ARHGAP42: variants seen among roughly 807,000 people sequenced by gnomAD.
ARHGAP42 encodes the protein rho GTPase-activating protein 42.
In ARHGAP42, 63 loss-of-function variants were observed where a neutral mutation model predicts 125.0. That is an observed-to-expected ratio of 0.50 (90% CI 0.41 to 0.62). The LOEUF (loss-of-function observed/expected upper bound fraction) is 0.62. Ranked by LOEUF, ARHGAP42 falls within the 20% of genes least tolerant of loss-of-function variation. ARHGAP42 has a pLI of 0.00. For synonymous variants in ARHGAP42, 339 were observed against 351.0 expected (o/e 0.97, Z 0.38); for missense variants, 766 against 1,024.2 (o/e 0.75, Z 3.44).
chr11:100,913,586 C>T (rs1159078931), intron 5 of ARHGAP42, 33 bp downstream of exon 5: 1 of 1,152,790 alleles, frequency 8.7e-7, no homozygotes, highest in East Asian at 6.0e-5. Context: ...ATGGAAAAGG[C>T]ATTAAGTCAT....
intron 2 of ARHGAP42, among the ~76,000 whole-genome samples, chr11:100,791,873 A>C (rs2135027193): frequency 6.6e-6 from 1 of 152,336 alleles, no homozygotes; most frequent in Non-Finnish European, 1.5e-5. Context: ...TAGTGTTCAT[A>C]TGGGAAACAG....
intron 3 of ARHGAP42, among the ~76,000 whole-genome samples, chr11:100,812,167 A>C (rs1189752792): frequency 6.6e-6 from 1 of 152,190 alleles, no homozygotes; most frequent in Non-Finnish European, 1.5e-5. Context: ...AGGTTCAGCC[A>C]GGTTCTGCTT....
chr11:100,846,887 G>A (rs1281817044), intron 3 of ARHGAP42, among the ~76,000 whole-genome samples: 1 of 152,104 alleles, frequency 6.6e-6, no homozygotes, highest in Admixed American at 6.6e-5. Context: ...AGGTCCAGGG[G>A]GAGCTAGAAT....
intron 3 of ARHGAP42, among the ~76,000 whole-genome samples, chr11:100,848,708 G>C (rs1297118370): frequency 6.6e-6 from 1 of 151,956 alleles, no homozygotes; most frequent in African/African-American, 2.4e-5. Flanking sequence ...GTTTTACCAT[G>C]ATGGCCAGGC....
chr11:100,761,417 T>C (rs1481711496), intron 1 of ARHGAP42, among the ~76,000 whole-genome samples: 2 of 152,178 alleles, frequency 1.3e-5, no homozygotes, highest in African/African-American at 4.8e-5. Context: ...TCTTTTCAAG[T>C]TTTTTCCCCA....
intron 2 of ARHGAP42, among the ~76,000 whole-genome samples, chr11:100,779,452 A>AG (rs1474680956): frequency 5.1e-5 from 4 of 79,068 alleles, no homozygotes; most frequent in East Asian, 7.9e-4. Context: ...TCTCAAAAAA[A>AG]AAAAAAAAAA....
chr11:100,723,515 T>G (rs1490620566), intron 1 of ARHGAP42, among the ~76,000 whole-genome samples: 2 of 152,164 alleles, frequency 1.3e-5, no homozygotes, highest in Non-Finnish European at 2.9e-5. Flanking sequence ...ACCTAAGTAT[T>G]TCTTTTTTTT....
At chr11:100,896,612 T>G (rs1341892004) in intron 4 of ARHGAP42, among the ~76,000 whole-genome samples, 2 of 152,362 alleles carry the variant, frequency 1.3e-5, no homozygotes, top group East Asian at 3.9e-4. Context: ...TTTTTTCATG[T>G]GTCTGTTGGC....
intron 4 of ARHGAP42, among the ~76,000 whole-genome samples, chr11:100,909,696 T>C (rs1159983370): frequency 6.6e-6 from 1 of 152,158 alleles, no homozygotes; most frequent in Non-Finnish European, 1.5e-5. Flanking sequence ...TGAGTTAATT[T>C]TTGTATATGG....
chr11:100,828,636 G>C (rs1162793746), intron 3 of ARHGAP42, among the ~76,000 whole-genome samples: 1 of 152,042 alleles, frequency 6.6e-6, no homozygotes, highest in East Asian at 1.9e-4. Context: ...TGACTTTAAG[G>C]GGGAAAGGGC....
Position 100,872,023 on chromosome 11 carries a change from G to A in ARHGAP42, c.384+12398G>A, listed in dbSNP as rs1371223894. ...CTCCCCAAGTGCTGGGATAACAGGCGTGAGCCACTGCACCCAGCCTGGTTC... is the reference window on the plus strand; with the variant it reads ...CTCCCCAAGTGCTGGGATAACAGGCATGAGCCACTGCACCCAGCCTGGTTC... On this transcript the variant is annotated intron_variant, in intron 4 of 23. Transcript: ENST00000298815. Among the ~76,000 whole-genome samples, 7 of 152,052 alleles carry A rather than the reference G, an allele frequency of 4.6e-5. 1 individual carries two copies. The highest frequency in any genetic ancestry group is 2.0e-4 in the Admixed American group (3 of 15,258).
In ARHGAP42 at chr11:100,980,559, C is replaced by CTTCTTTT. The variant is rs1555037006; in HGVS notation, c.2456+1512_2456+1513insCTTTTTT. Among the ~76,000 whole-genome samples, 278 of 51,950 alleles carry CTTCTTTT rather than the reference C, an allele frequency of 5.4e-3. 30 individuals are homozygous for CTTCTTTT. The highest frequency in any genetic ancestry group is 0.019 in the Middle Eastern group (1 of 52). 34.1% of individuals were successfully genotyped at this position (51,950 alleles called of 152,430 possible). ...TCAAATCATACTTCTTTTTCTTCTT[C>CTTCTTTT]TTTTTTTTTTTTTTTTTTTTTTTTT... On this transcript the variant is annotated intron_variant, in intron 22 of 23. Coordinates refer to ENST00000298815, the MANE Select transcript of ARHGAP42 (RefSeq NM_152432.4).
At chr11:100,982,260 A>G (rs1369084671) in intron 22 of ARHGAP42, among the ~76,000 whole-genome samples, 1 of 152,182 alleles carries the variant, frequency 6.6e-6, no homozygotes, top group Non-Finnish European at 1.5e-5. Context: ...CTAAGACATC[A>G]TTGGAGATCT....
At position 100,739,433 on chromosome 11, in the gene ARHGAP42, G is replaced by T. The variant is rs149485449; in HGVS notation, c.155-30910G>T. ...ACTTCAGATTGCAATTTGTTCTAAA[G>T]AGGATAAAGTAGATATACCATGCTT... On this transcript the variant is annotated intron_variant, in intron 1 of 23. Coordinates refer to ENST00000298815, the MANE Select transcript of ARHGAP42 (RefSeq NM_152432.4). Among the ~76,000 whole-genome samples the T allele has an allele frequency of 2.3e-3, 349 of 152,264 alleles. 1 individual carries two copies. Among genetic ancestry groups the T allele is most frequent in the African/African-American group, 7.8e-3 (326 of 41,550 alleles).
intron 3 of ARHGAP42, among the ~76,000 whole-genome samples, chr11:100,839,229 C>T (rs971715039): frequency 1.3e-5 from 2 of 152,170 alleles, no homozygotes; most frequent in Non-Finnish European, 1.5e-5. Flanking sequence ...ATAGCAGTAT[C>T]TGCAAATCCT....
At chr11:100,861,373 C>T (rs1865441285) in intron 4 of ARHGAP42, among the ~76,000 whole-genome samples, 1 of 152,144 alleles carries the variant, frequency 6.6e-6, no homozygotes, top group Admixed American at 6.5e-5. Context: ...GTATTTTACT[C>T]CCTAGCCTAA....
At chr11:100,889,190 C>T (rs1866161986) in intron 4 of ARHGAP42, among the ~76,000 whole-genome samples, 1 of 152,120 alleles carries the variant, frequency 6.6e-6, no homozygotes, top group Non-Finnish European at 1.5e-5. Context: ...GCTCTTACAA[C>T]AGAAATAAAT....
chr11:100,894,573 A>C (rs1866296446), intron 4 of ARHGAP42, among the ~76,000 whole-genome samples: 1 of 152,230 alleles, frequency 6.6e-6, no homozygotes, highest in Non-Finnish European at 1.5e-5. Context: ...AAGTGGCAGC[A>C]CTACCACCCA....
At chr11:100,869,953 G>A (rs1443682932) in intron 4 of ARHGAP42, among the ~76,000 whole-genome samples, 1 of 151,976 alleles carries the variant, frequency 6.6e-6, no homozygotes, top group East Asian at 1.9e-4. Context: ...TACATTTTTA[G>A]GTCAAGTATG....
Sources: gnomAD v4.1 joint callset for allele counts (sites outside exome capture counted in the v4.1 genomes callset) on GRCh38, gnomAD v4.1.1 for gene constraint, MANE v1.5 for transcripts, NCBI Gene and HGNC (gene_info 2026-07-23, HGNC 2026-07-21) for gene names.